Variants in MAF observed in about 807,000 individuals in gnomAD.
The protein encoded by MAF is MAF bZIP transcription factor, also known as transcription factor Maf.
Under a neutral mutation model 22.0 loss-of-function variants are expected in MAF, and 10 were observed. The ratio of observed to expected loss-of-function variants is 0.45; its 90% confidence interval spans 0.28 to 0.77. The LOEUF (loss-of-function observed/expected upper bound fraction) is 0.77, where lower values mean the gene tolerates loss of function less well. Among genes scored for constraint, MAF ranks in the 30% least tolerant of loss-of-function variants. The pLI, the probability that MAF is intolerant of heterozygous loss-of-function variation, is 0.12. For synonymous variants in MAF, 337 were observed against 255.8 expected (o/e 1.32, Z -3.03); for missense variants, 544 against 548.4 (o/e 0.99, Z 0.08).
the MAF span, among the ~76,000 whole-genome samples, chr16:79,396,442 C>A: frequency 2.0e-5 from 3 of 152,210 alleles, no homozygotes; most frequent in East Asian, 5.8e-4. Context: ...AAGCTCGATT[C>A]AATTTTTATA....
At chr16:79,210,214 C>T in the MAF span, among the ~76,000 whole-genome samples, 7 of 152,226 alleles carry the variant, frequency 4.6e-5, no homozygotes, top group Admixed American at 3.9e-4. Context: ...ACTAGATATC[C>T]TGACACTGAA....
downstream of MAF, among the ~76,000 whole-genome samples, chr16:79,589,977 G>A (rs2143725076): frequency 6.6e-6 from 1 of 152,276 alleles, no homozygotes; most frequent in South Asian, 2.1e-4. Flanking sequence ...CCAGGACTGA[G>A]GGACTCGGTA....
At chr16:79,498,435 T>G in the MAF span, among the ~76,000 whole-genome samples, 431 of 152,316 alleles carry the variant, frequency 2.8e-3, 2 homozygotes, top group African/African-American at 0.01. Flanking sequence ...TTTCAACAGT[T>G]GAAAAACTCA....
the MAF span, among the ~76,000 whole-genome samples, chr16:79,404,638 ATT>A: frequency 6.7e-6 from 1 of 148,924 alleles, no homozygotes; most frequent in Non-Finnish European, 1.5e-5. Flanking sequence ...TTTTTTTTAA[ATT>A]TTTTTTTTTG....
At chr16:79,528,550 A>G in the MAF span, among the ~76,000 whole-genome samples, 2 of 152,260 alleles carry the variant, frequency 1.3e-5, no homozygotes, top group South Asian at 4.1e-4. Flanking sequence ...TGGCAGAACG[A>G]CAGCTAGGCT....
At chr16:79,406,713 G>C in the MAF span, among the ~76,000 whole-genome samples, 1 of 152,320 alleles carries the variant, frequency 6.6e-6, no homozygotes, top group Admixed American at 6.5e-5. Flanking sequence ...AGTCAGATCT[G>C]AGATTTGACT....
chr16:79,293,171 C>T, the MAF span, among the ~76,000 whole-genome samples: 2 of 152,114 alleles, frequency 1.3e-5, no homozygotes, highest in African/African-American at 4.8e-5. Flanking sequence ...GCGTGAGGTC[C>T]AAGAACCCTC....
At chr16:79,285,970 G>T in the MAF span, among the ~76,000 whole-genome samples, 1 of 152,128 alleles carries the variant, frequency 6.6e-6, no homozygotes, top group Non-Finnish European at 1.5e-5. Flanking sequence ...GTACAGTTTG[G>T]GTTCTACAGC....
At chr16:79,510,264 T>G in the MAF span, among the ~76,000 whole-genome samples, 1 of 152,228 alleles carries the variant, frequency 6.6e-6, no homozygotes, top group Non-Finnish European at 1.5e-5. Flanking sequence ...AACATATATT[T>G]GCCTCCTCTT....
At chr16:79,219,548 CAAAAAAAAAAAAAA>C in the MAF span, among the ~76,000 whole-genome samples, 3 of 64,732 alleles carry the variant, frequency 4.6e-5, no homozygotes, top group African/African-American at 1.2e-4. Context: ...GACTCTGCCT[CAAAAAAAAAAAAAA>C]AAAAAAAAAA....
the MAF span, among the ~76,000 whole-genome samples, chr16:79,402,739 A>G: frequency 6.6e-6 from 1 of 152,340 alleles, no homozygotes; most frequent in South Asian, 2.1e-4. Flanking sequence ...ACCAAGAGGG[A>G]CAGGGATTCA....
chr16:79,543,831 C>T, the MAF span, among the ~76,000 whole-genome samples: 1 of 152,054 alleles, frequency 6.6e-6, no homozygotes, highest in Admixed American at 6.5e-5. Context: ...GGACTACAGG[C>T]GCCTACCACC....
the MAF span, among the ~76,000 whole-genome samples, chr16:79,437,140 CTCTCTCTGTGTGTGTG>C: frequency 7.7e-5 from 2 of 25,980 alleles, no homozygotes; most frequent in Non-Finnish European, 1.1e-4. Flanking sequence ...AAAGCTCTCT[CTCTCTCTGTGTGTGTG>C]TGTGTGTGTG....
chr16:79,251,533 T>C, the MAF span, among the ~76,000 whole-genome samples: 1 of 152,102 alleles, frequency 6.6e-6, no homozygotes, highest in African/African-American at 2.4e-5. Context: ...GTCAGGTTGG[T>C]CTCGAACTCC....
the MAF span, among the ~76,000 whole-genome samples, chr16:79,299,748 A>G: frequency 1.3e-5 from 2 of 152,228 alleles, no homozygotes; most frequent in South Asian, 2.1e-4. Flanking sequence ...TCCTGGCTCC[A>G]CATGGGTGCC....
the MAF span, among the ~76,000 whole-genome samples, chr16:79,447,922 A>G: frequency 1.3e-5 from 2 of 150,662 alleles, no homozygotes; most frequent in Non-Finnish European, 3.0e-5. Flanking sequence ...AAAGAAAAAG[A>G]AAAGAAATGG....
the MAF span, among the ~76,000 whole-genome samples, chr16:79,478,971 T>C: frequency 6.6e-6 from 1 of 152,060 alleles, no homozygotes; most frequent in Non-Finnish European, 1.5e-5. Context: ...AATGCACCCG[T>C]GCACCACCTC....
At chr16:79,228,425 T>A in the MAF span, among the ~76,000 whole-genome samples, 1 of 152,108 alleles carries the variant, frequency 6.6e-6, no homozygotes, top group Non-Finnish European at 1.5e-5. Context: ...ATGGCTTCAC[T>A]AGATCCTGCT....
chr16:79,404,164 C>CATTTTT, the MAF span, among the ~76,000 whole-genome samples: 1 of 122,094 alleles, frequency 8.2e-6, no homozygotes, highest in African/African-American at 3.1e-5. Flanking sequence ...TCTGGATTTT[C>CATTTTT]TTTTTTTTTT....
Sources: gnomAD v4.1 joint callset for allele counts (sites outside exome capture counted in the v4.1 genomes callset) on GRCh38, gnomAD v4.1.1 for gene constraint, MANE v1.5 for transcripts, NCBI Gene and HGNC (gene_info 2026-07-23, HGNC 2026-07-21) for gene names.